Variants in TXNDC15 observed in about 807,000 individuals in gnomAD.
The protein encoded by TXNDC15 is thioredoxin domain-containing protein 15.
TXNDC15 carries 24 observed loss-of-function variants against 35.0 expected under a neutral mutation model. The ratio of observed to expected loss-of-function variants is 0.68; its 90% CI spans 0.50 to 0.96. TXNDC15 has a LOEUF of 0.96. Among genes scored for constraint, TXNDC15 ranks in the 40% least tolerant of loss-of-function variants. The probability of loss-of-function intolerance (pLI) is 0.00; values close to 1 mark genes in which losing one functional copy is unlikely to be tolerated. For synonymous variants in TXNDC15, 169 were observed against 174.0 expected (o/e 0.97, Z 0.23); for missense variants, 385 against 453.3 (o/e 0.85, Z 1.37).
intron 1 of TXNDC15, among the ~76,000 whole-genome samples, chr5:134,874,811 A>G (rs1456058566): frequency 6.6e-6 from 1 of 152,274 alleles, no homozygotes; most frequent in Non-Finnish European, 1.5e-5. Flanking sequence ...CAGTGCGGTA[A>G]GCGCTGCTGA....
intron 1 of TXNDC15, among the ~76,000 whole-genome samples, chr5:134,878,482 C>G (rs753789943): frequency 3.3e-5 from 5 of 152,154 alleles, no homozygotes; most frequent in Non-Finnish European, 5.9e-5. Flanking sequence ...TGTTTTTGGT[C>G]CCTCCTCATT....
At chr5:134,892,293 C>T (rs527386614) in intron 2 of TXNDC15, 2 of 152,286 alleles carry the variant, frequency 1.3e-5, no homozygotes, top group African/African-American at 4.8e-5. Context: ...CCAACCCCAG[C>T]TAATTTCAGA....
rs1408805249 is a variant in TXNDC15 at position 134,882,854 on chromosome 5, G to T, written c.104-4841G>T. Among the ~76,000 whole-genome samples the T allele has an allele frequency of 3.9e-5, 6 of 152,266 alleles. No homozygotes were observed. In the East Asian group the frequency reaches 1.2e-3, roughly 29 times the overall value. ...GGAAAGAGGAGGGAGAGGGGGAGGG[G>T]GAGAGGGAGAGGGAGAGCTGGACAG... On this transcript the variant is annotated intron_variant, in intron 1 of 4. Coordinates refer to ENST00000358387, the MANE Select transcript of TXNDC15 (RefSeq NM_024715.4).
At position 134,888,089 on chromosome 5, in the gene TXNDC15, C is replaced by A. The variant is rs185130557; in HGVS notation, c.498C>A (p.Asn166Lys). 6.2e-7 allele frequency: 1 copy of A among 1,614,056 alleles called. No individual in the cohort carries two copies. The highest frequency in any genetic ancestry group is 1.1e-5 in the South Asian group (1 of 91,088). Residue 166 changes from asparagine (N) to lysine (K), a missense_variant, in exon 2 of 5, where the codon AAC becomes AAA. Physicochemically the swap from Asn to Lys is moderately conservative, Grantham distance 94. Transcript: ENST00000358387. Reference sequence around the variant, plus strand: ...CAGCCCCGACAGAGGACTCCAATAACACTGAAAGTCTGAAATCCCCAAAGG... The same window carrying A: ...CAGCCCCGACAGAGGACTCCAATAAAACTGAAAGTCTGAAATCCCCAAAGG... ...SDAAPTEDSN[N>K]TESLKSPKVN...
chr5:134,883,776 G>A (rs1387183797), intron 1 of TXNDC15, among the ~76,000 whole-genome samples: 3 of 151,014 alleles, frequency 2.0e-5, no homozygotes, highest in African/African-American at 7.3e-5. Flanking sequence ...TTAGCTGGGT[G>A]TGGTGGTGGG....
chr5:134,886,620 G>C (rs914636807), intron 1 of TXNDC15, among the ~76,000 whole-genome samples: 1 of 152,228 alleles, frequency 6.6e-6, no homozygotes, highest in African/African-American at 2.4e-5. Context: ...GCACTGCCGA[G>C]CCCATCTCCC....
chr5:134,896,358 AT>A lies in TXNDC15; in HGVS notation c.821del (p.Met274ArgfsTer14). The A allele has an allele frequency of 6.2e-7, 1 of 1,613,886 alleles. No homozygotes were observed. Among genetic ancestry groups the A allele is most frequent in the Admixed American group, 1.7e-5 (1 of 60,006 alleles). ...TTTATTATTTCAAGGAGCTAAACCA[AT>A]GGCCAGATTTAATCATACAGATCGA... ...NILLFQGAKPMARFNHTDRTL... is the reference protein window; with the variant it reads ...NILLFQGAKPXARFNHTDRTL... On this transcript the variant is annotated frameshift_variant, in exon 4 of 5. Coordinates refer to ENST00000358387, the MANE Select transcript of TXNDC15 (RefSeq NM_024715.4). LOFTEE classifies it high-confidence loss of function.
chr5:134,895,708 C>G (rs982320552), intron 3 of TXNDC15, among the ~76,000 whole-genome samples: 3 of 152,130 alleles, frequency 2.0e-5, no homozygotes, highest in Admixed American at 2.0e-4. Flanking sequence ...AGTGGCAGAA[C>G]TGAGGCTTCA....
At chr5:134,884,063 T>TA (rs1342609243) in intron 1 of TXNDC15, among the ~76,000 whole-genome samples, 2 of 149,960 alleles carry the variant, frequency 1.3e-5, no homozygotes, top group Non-Finnish European at 3.0e-5. Flanking sequence ...TACTAAAAAA[T>TA]ACAAAAATTA....
At chr5:134,894,578 G>T (rs1750452915) in intron 3 of TXNDC15, among the ~76,000 whole-genome samples, 1 of 152,002 alleles carries the variant, frequency 6.6e-6, no homozygotes, top group South Asian at 2.1e-4. Context: ...GGCCAGGCTG[G>T]TCTCGAACTC....
At chr5:134,877,448 TGAA>T (rs1399605663) in intron 1 of TXNDC15, among the ~76,000 whole-genome samples, 1 of 152,084 alleles carries the variant, frequency 6.6e-6, no homozygotes, top group African/African-American at 2.4e-5. Context: ...TGTATTGCTG[TGAA>T]GGTCAGGGTC....
chr5:134,880,382 TG>T, intron 1 of TXNDC15, among the ~76,000 whole-genome samples: 2 of 152,286 alleles, frequency 1.3e-5, no homozygotes, highest in South Asian at 4.1e-4. Context: ...TCGCTGGTAA[TG>T]AATTCTTTTA....
Position 134,899,757 on chromosome 5 carries a change from C to A in TXNDC15, c.*72C>A. ...CAGAAATTAGTGCTACAGTTTCATACATTTTCTCCAGTGACGTGTTGACTT... is the reference window on the plus strand; with the variant it reads ...CAGAAATTAGTGCTACAGTTTCATAAATTTTCTCCAGTGACGTGTTGACTT... On this transcript the variant is annotated 3_prime_UTR_variant, in exon 5 of 5. Coordinates refer to ENST00000358387, the MANE Select transcript of TXNDC15 (RefSeq NM_024715.4). 7.8e-7 allele frequency: 1 copy of A among 1,279,260 alleles called. No homozygotes were observed. The highest frequency in any genetic ancestry group is 1.1e-6 in the Non-Finnish European group (1 of 933,782). The allele number at this position is 1,279,260 out of a possible 1,614,324, so 79.2% of individuals were successfully genotyped here.
chr5:134,899,831 T>A lies in TXNDC15; in HGVS notation c.*146T>A. 1.5e-6 allele frequency: 1 copy of A among 651,062 alleles called. No individual in the cohort carries two copies. Among genetic ancestry groups the A allele is most frequent in the Non-Finnish European group, 2.4e-6 (1 of 408,210 alleles). 40.3% of individuals were successfully genotyped at this position (651,062 alleles called of 1,614,324 possible). A position where few individuals can be genotyped will look rare whatever the true frequency, so the allele number is the denominator to read the frequency against. ...ATCATTTGTTGAACAACTGAATGTA[T>A]AAAAAAATTATAAACTGGTGTTTTA... On this transcript the variant is annotated 3_prime_UTR_variant, in exon 5 of 5. Transcript: ENST00000358387.
At chr5:134,893,282 A>G (rs1750423830) in intron 2 of TXNDC15, 12 of 506,376 alleles carry the variant, frequency 2.4e-5, no homozygotes, top group South Asian at 3.7e-5. Flanking sequence ...AAAAAAAGTG[A>G]AAGTTTATAA....
chr5:134,895,539 T>C (rs1270134261), intron 3 of TXNDC15, among the ~76,000 whole-genome samples: 2 of 152,218 alleles, frequency 1.3e-5, no homozygotes, highest in East Asian at 1.9e-4. Context: ...CTTGCTGTTA[T>C]TATATGGGCT....
At position 134,887,706 on chromosome 5, in the gene TXNDC15, A is replaced by C. The variant is rs772932622; in HGVS notation, c.115A>C (p.Ser39Arg). The change falls in exon 2 of 5, where the codon AGT becomes CGT. Residue 39 changes from serine (S) to arginine (R), a missense_variant. By Grantham distance (110) the Ser-to-Arg change is moderately radical. Coordinates refer to ENST00000358387, the MANE Select transcript of TXNDC15 (RefSeq NM_024715.4). The stretch of plus-strand genomic sequence containing the variant: ...CTGGCATGTTTTAGTTGCAGAGGAA[A>C]GTGGTCGCTTATGGTCAGAGGAGCA... ...PVRGVEVAEE[S>R]GRLWSEEQPA... 6.4e-7 allele frequency: 1 copy of C among 1,573,312 alleles called. No homozygotes were observed. The highest frequency in any genetic ancestry group is 1.2e-5 in the South Asian group (1 of 85,896).
intron 1 of TXNDC15, among the ~76,000 whole-genome samples, chr5:134,884,219 CAAA>C (rs372857992): frequency 5.6e-5 from 5 of 89,532 alleles, no homozygotes; most frequent in African/African-American, 1.5e-4. Context: ...GACTCAGTTT[CAAA>C]AAAAAAAAAA....
At chr5:134,886,966 C>T (rs1316523890) in intron 1 of TXNDC15, among the ~76,000 whole-genome samples, 2 of 152,290 alleles carry the variant, frequency 1.3e-5, no homozygotes, top group South Asian at 2.1e-4. Context: ...TGCAAAGATG[C>T]TTTGTTCTAG....
Sources: gnomAD v4.1 joint callset for allele counts (sites outside exome capture counted in the v4.1 genomes callset) on GRCh38, gnomAD v4.1.1 for gene constraint, MANE v1.5 for transcripts, NCBI Gene and HGNC (gene_info 2026-07-23, HGNC 2026-07-21) for gene names.